Variants in CDC45 observed in about 807,000 individuals in gnomAD.
The protein encoded by CDC45 is cell division control protein 45 homolog.
Under a neutral mutation model 77.8 loss-of-function variants are expected in CDC45, and 54 were observed. That is an observed-to-expected ratio of 0.69 (90% CI 0.56 to 0.87). The LOEUF (loss-of-function observed/expected upper bound fraction) is 0.87. Ranked by LOEUF, CDC45 falls within the 40% of genes least tolerant of loss-of-function variation. The pLI is 0.00. For missense variants in CDC45, 649 were observed against 721.6 expected (o/e 0.90, Z 1.15); for synonymous variants, 260 against 272.1 (o/e 0.96, Z 0.44).
chr22:19,489,661 ATATT>A (rs1280665660), intron 5 of CDC45, among the ~76,000 whole-genome samples: 1 of 152,222 alleles, frequency 6.6e-6, no homozygotes, highest in Non-Finnish European at 1.5e-5. Flanking sequence ...AAAACAAACA[ATATT>A]TATTATTTCT....
intron 8 of CDC45, among the ~76,000 whole-genome samples, chr22:19,497,914 G>A (rs1034628266): frequency 6.6e-6 from 1 of 152,018 alleles, no homozygotes; most frequent in African/African-American, 2.4e-5. Flanking sequence ...AAAATTGTCT[G>A]GGCATGGTGG....
At chr22:19,485,411 G>A (rs1402298530) in intron 5 of CDC45, among the ~76,000 whole-genome samples, 1 of 152,202 alleles carries the variant, frequency 6.6e-6, no homozygotes, top group African/African-American at 2.4e-5. Flanking sequence ...AAGCTTTCAG[G>A]TATCAAACAT....
chr22:19,511,287 T>C, intron 13 of CDC45, among the ~76,000 whole-genome samples: 1 of 152,082 alleles, frequency 6.6e-6, no homozygotes, highest in East Asian at 1.9e-4. Context: ...TATTGGTCAT[T>C]TGTGTATCTT....
rs934795467 is a variant in CDC45, at chr22:19,520,105, T to G, written c.*2-376T>G. On this transcript the variant is annotated intron_variant, in intron 18 of 18. Transcript: ENST00000263201. The surrounding 1 kb of genome is among the most constrained non-coding windows in gnomAD (Gnocchi z 4.5). Reference sequence around the variant, plus strand: ...CCCTGCAGCCTGCTTGGTGGTGATGTTATGCTGCTGTGTGTCCTTCCACTG... The same window carrying G: ...CCCTGCAGCCTGCTTGGTGGTGATGGTATGCTGCTGTGTGTCCTTCCACTG... 6.6e-6 allele frequency among the ~76,000 whole-genome samples: 1 copy of G among 151,898 alleles called. No homozygotes were observed. The highest frequency in any genetic ancestry group is 1.5e-5 in the Non-Finnish European group (1 of 67,960).
chr22:19,515,813 C>T (rs1203001232), intron 15 of CDC45, among the ~76,000 whole-genome samples: 1 of 152,174 alleles, frequency 6.6e-6, no homozygotes, highest in Admixed American at 6.5e-5. Context: ...CCTCAGTTTC[C>T]TCATCCGTGA....
rs1034756306 is a variant in CDC45, at chr22:19,514,954, C to T, written c.1357-11C>T. 1.2e-5 allele frequency: 20 copies of T among 1,614,090 alleles called. No homozygotes were observed. The highest frequency in any genetic ancestry group is 3.3e-5 in the Admixed American group (2 of 60,008). ...AGTGGCTTCGTCTGACCATCTGTCT[C>T]GCCTCCGCAGGGCACTCCAGATGTC... On this transcript the variant is annotated splice_polypyrimidine_tract_variant and intron_variant, in intron 14 of 18. Coordinates refer to ENST00000263201, the MANE Select transcript of CDC45 (RefSeq NM_003504.5).
chr22:19,499,022 C>T, intron 8 of CDC45, 79 bp from the exon 9 acceptor site: 1 of 1,469,296 alleles, frequency 6.8e-7, no homozygotes, highest in Non-Finnish European at 9.5e-7. Context: ...GGGCCCGTTC[C>T]ATCATCTCAC....
intron 9 of CDC45, among the ~76,000 whole-genome samples, chr22:19,504,709 T>G (rs186155254): frequency 7.6e-4 from 116 of 152,230 alleles, no homozygotes; most frequent in African/African-American, 2.1e-3. Context: ...GCACTCTTGG[T>G]TTAGTCAGCT....
At chr22:19,505,635 C>T (rs1933129623) in intron 10 of CDC45, among the ~76,000 whole-genome samples, 154 bp downstream of exon 10, 1 of 152,182 alleles carries the variant, frequency 6.6e-6, no homozygotes, top group Non-Finnish European at 1.5e-5. Context: ...GTGTGCTACC[C>T]CAGCTCATCT....
chr22:19,505,571 C>G, intron 10 of CDC45, 90 bp downstream of exon 10: 2 of 1,460,338 alleles, frequency 1.4e-6, no homozygotes, highest in Non-Finnish European at 1.9e-6. Flanking sequence ...GTTCTGGCCA[C>G]ATCCCCAGGA....
In CDC45 at chr22:19,496,168, C is replaced by CT. The variant is rs1232132947; in HGVS notation, c.591+141dup. 68 of 658,812 alleles carry CT rather than the reference C, an allele frequency of 1.0e-4. No homozygotes were observed. The East Asian group carries it at 1.8e-3, about 17-fold the overall frequency. 40.8% of individuals were successfully genotyped at this position (658,812 alleles called of 1,614,324 possible). A position where few individuals can be genotyped will look rare whatever the true frequency, so the allele number is the denominator to read the frequency against. On this transcript the variant is annotated intron_variant, in intron 7 of 18. Transcript: ENST00000263201. ...GCTCCATGTCTTCCCCCTGTGTGAC[C>CT]TTGGGCAGGTGTTGCAAGCTCTCTG... is the stretch of plus-strand genomic sequence containing the variant.
chr22:19,479,468 A>C, upstream of CDC45: 1 of 633,994 alleles, frequency 1.6e-6, no homozygotes, highest in Non-Finnish European at 2.9e-6. Flanking sequence ...CACTACCCAG[A>C]CTGCCTCTGC....
chr22:19,516,649 A>G lies in CDC45; in HGVS notation c.1559+4A>G, dbSNP rs1299334579. 1 of 1,603,290 alleles carries G rather than the reference A, an allele frequency of 6.2e-7. No individual in the cohort carries two copies. The highest frequency in any genetic ancestry group is 1.7e-5 in the Admixed American group (1 of 59,790). On this transcript the variant is annotated splice_donor_region_variant and intron_variant, in intron 16 of 18. Coordinates refer to ENST00000263201, the MANE Select transcript of CDC45 (RefSeq NM_003504.5). ...CCGACAGCTCGGACAGGAAGAAGTG[A>G]GCAGCTTCCACTCGTCCTGGGACTG...
chr22:19,497,075 C>G (rs887301545), intron 7 of CDC45, among the ~76,000 whole-genome samples: 1 of 152,160 alleles, frequency 6.6e-6, no homozygotes, highest in South Asian at 2.1e-4. Flanking sequence ...CAGGGAGATA[C>G]AAAGAGGCCC....
Position 19,483,990 on chromosome 22 carries a change from C to T in CDC45, c.471C>T (p.Arg157=), listed in dbSNP as rs2090026068. 1.2e-6 allele frequency: 2 copies of T among 1,608,172 alleles called. No individual in the cohort carries two copies. Among genetic ancestry groups the T allele is most frequent in the Admixed American group, 1.7e-5 (1 of 57,834 alleles). ...DSDGSEPSEK[R]TRLEEEIVEQ... ...ATGGGTCAGAGCCTTCTGAGAAGCG[C>T]ACACGGTTAGAAGAGGTGAGTTTGG... Residue 157 remains arginine (R), a synonymous_variant, in exon 5 of 19, where the codon CGC becomes CGT. Coordinates refer to ENST00000263201, the MANE Select transcript of CDC45 (RefSeq NM_003504.5).
intron 10 of CDC45, 77 bp downstream of exon 10, chr22:19,505,558 T>G: frequency 6.5e-7 from 1 of 1,549,516 alleles, no homozygotes; most frequent in South Asian, 1.1e-5. Flanking sequence ...TCACCCTCTG[T>G]GGGTTCTGGC....
chr22:19,486,933 CCCAAAGTGCTGGGATT>C (rs1568915044), intron 5 of CDC45, among the ~76,000 whole-genome samples: 1 of 152,004 alleles, frequency 6.6e-6, no homozygotes, highest in East Asian at 2.0e-4. Context: ...ACCTTGGCCT[CCCAAAGTGCTGGGATT>C]ACAGGCGTGA....
rs764657158 is a variant in CDC45, at chr22:19,497,468, C to T, written c.653+21C>T. 1.9e-5 allele frequency: 30 copies of T among 1,608,530 alleles called. No homozygotes were observed. In the South Asian group the frequency reaches 3.3e-4, roughly 18 times the overall value. On this transcript the variant is annotated intron_variant, in intron 8 of 18. Transcript: ENST00000263201. Reference sequence around the variant, plus strand: ...CTGTGGTACGTAGCCCCTGCGGCAGCTGTGTGGGAGTATTTGTTGCCTTGG... The same window carrying T: ...CTGTGGTACGTAGCCCCTGCGGCAGTTGTGTGGGAGTATTTGTTGCCTTGG...
Position 19,516,559 on chromosome 22 carries a change from G to A in CDC45, c.1473G>A (p.Leu491=). 6.2e-7 allele frequency: 1 copy of A among 1,614,050 alleles called. No individual in the cohort carries two copies. The highest frequency in any genetic ancestry group is 8.5e-7 in the Non-Finnish European group (1 of 1,179,984). ...TKNRRCKLLP[L]VMAAPLSMEH... The stretch of plus-strand genomic sequence containing the variant: ...ACCGGCGCTGCAAACTGCTGCCCCT[G>A]GTGATGGCTGCCCCCCTGAGCATGG... Residue 491 remains leucine, a synonymous_variant, in exon 16 of 19, where the codon CTG becomes CTA. Coordinates refer to ENST00000263201, the MANE Select transcript of CDC45 (RefSeq NM_003504.5).
Sources: gnomAD v4.1 joint callset for allele counts (sites outside exome capture counted in the v4.1 genomes callset) on GRCh38, gnomAD v4.1.1 for gene constraint, Gnocchi (gnomAD v3.1) non-coding constraint, MANE v1.5 for transcripts, NCBI Gene and HGNC (gene_info 2026-07-23, HGNC 2026-07-21) for gene names.